The following CECR2 variants were observed in gnomAD, a reference collection of about 807,000 sequenced individuals.
CECR2 encodes the protein CECR2 histone acetyl-lysine reader, also known as chromatin remodeling regulator CECR2.
A neutral mutation model predicts 154.5 loss-of-function variants in CECR2; 30 were observed. The ratio of observed to expected loss-of-function variants is 0.19; its 90% CI spans 0.15 to 0.26. The LOEUF is 0.26. CECR2 is among the 10% of genes least tolerant of loss of function. The pLI, the probability that CECR2 is intolerant of heterozygous loss-of-function variation, is 1.00. For missense variants in CECR2, 1,743 were observed against 1,829.3 expected (o/e 0.95, Z 0.86); for synonymous variants, 725 against 683.7 (o/e 1.06, Z -0.94).
chr22:17,413,956 C>T (rs1179158178), intron 1 of CECR2, among the ~76,000 whole-genome samples: 5 of 145,588 alleles, frequency 3.4e-5, no homozygotes, highest in East Asian at 2.1e-4. Context: ...GGATTACAGG[C>T]GTGAACCACC....
chr22:17,496,926 A>G (rs896184077), intron 2 of CECR2, among the ~76,000 whole-genome samples: 4 of 152,200 alleles, frequency 2.6e-5, no homozygotes, highest in African/African-American at 7.2e-5. Flanking sequence ...ACAAAACACA[A>G]TATCCATGTA....
intron 14 of CECR2, among the ~76,000 whole-genome samples, chr22:17,541,015 C>T (rs966770643): frequency 6.6e-6 from 1 of 152,206 alleles, no homozygotes; most frequent in African/African-American, 2.4e-5. Flanking sequence ...AACTCTTGGC[C>T]TCAAACAGTC....
At chr22:17,416,205 G>A (rs779910209) in intron 1 of CECR2, among the ~76,000 whole-genome samples, 21 of 152,074 alleles carry the variant, frequency 1.4e-4, no homozygotes, top group Non-Finnish European at 1.9e-4. Context: ...AGAGTTCAAA[G>A]GTAAGCTAGA....
At chr22:17,519,931 C>G (rs2146952173) in intron 8 of CECR2, among the ~76,000 whole-genome samples, 1 of 152,124 alleles carries the variant, frequency 6.6e-6, no homozygotes, top group East Asian at 1.9e-4. Flanking sequence ...GCTGGGACTA[C>G]AGGCACACAC....
intron 2 of CECR2, among the ~76,000 whole-genome samples, chr22:17,486,819 T>C (rs2055429442): frequency 6.6e-6 from 1 of 152,182 alleles, no homozygotes. Flanking sequence ...ACAGAAGGTA[T>C]GAATAAGCGC....
In CECR2 at chr22:17,488,680, A is replaced by G. The variant is rs188435766; in HGVS notation, c.222-8723A>G. Among the ~76,000 whole-genome samples, 15 of 152,246 alleles carry G rather than the reference A, an allele frequency of 9.9e-5. No homozygotes were observed. The East Asian group carries it at 2.7e-3, about 27-fold the overall frequency. On this transcript the variant is annotated intron_variant, in intron 2 of 18. Transcript: ENST00000262608. ...GGGGACTAAATTGTATCTAGTGAAA[A>G]ATATATCACAATTTATTGAATCTGT... is the stretch of plus-strand genomic sequence containing the variant.
At chr22:17,390,933 T>A (rs763221149) in intron 1 of CECR2, among the ~76,000 whole-genome samples, 3 of 152,254 alleles carry the variant, frequency 2.0e-5, no homozygotes, top group African/African-American at 4.8e-5. Flanking sequence ...AAGCTTTTCC[T>A]ATTTTATTTT....
At chr22:17,488,311 T>C (rs150987950) in intron 2 of CECR2, among the ~76,000 whole-genome samples, 2 of 152,376 alleles carry the variant, frequency 1.3e-5, no homozygotes, top group East Asian at 3.9e-4. Flanking sequence ...GAAATGACAA[T>C]ACTTCTGTTA....
chr22:17,447,222 A>T lies in CECR2; in HGVS notation c.127-30366A>T, dbSNP rs567127282. ...GCTAATTTTTTGTGTTTTTTAGTAG[A>T]CGGGACTGCAAGCTCCGCCTCCTGG... is the stretch of plus-strand genomic sequence containing the variant. On this transcript the variant is annotated intron_variant, in intron 1 of 18. Transcript: ENST00000262608. 2.8e-5 allele frequency among the ~76,000 whole-genome samples: 4 copies of T among 141,648 alleles called. No individual in the cohort carries two copies. The South Asian group carries it at 9.0e-4, about 32-fold the overall frequency. 92.9% of individuals were successfully genotyped at this position (141,648 alleles called of 152,430 possible). A position where few individuals can be genotyped will look rare whatever the true frequency, so the allele number is the denominator to read the frequency against.
At chr22:17,496,217 G>A (rs374680596) in intron 2 of CECR2, among the ~76,000 whole-genome samples, 7 of 152,112 alleles carry the variant, frequency 4.6e-5, no homozygotes, top group African/African-American at 9.6e-5. Context: ...TCAAAGAAAG[G>A]ACGGGCACGG....
At chr22:17,466,839 G>A (rs757387260) in intron 1 of CECR2, among the ~76,000 whole-genome samples, 2 of 152,024 alleles carry the variant, frequency 1.3e-5, no homozygotes, top group African/African-American at 2.4e-5. Context: ...TGATCCTCCC[G>A]CCCCGGCCTT....
intron 9 of CECR2, 116 bp downstream of exon 9, chr22:17,524,387 C>CTTTCTTTTTTT: frequency 2.6e-6 from 1 of 391,190 alleles, no homozygotes; most frequent in South Asian, 2.3e-5. Context: ...CCGGCAATTT[C>CTTTCTTTTTTT]TTTTTTTTTT....
At chr22:17,523,610 G>T (rs1052463520) in intron 8 of CECR2, among the ~76,000 whole-genome samples, 6 of 151,720 alleles carry the variant, frequency 4.0e-5, no homozygotes, top group Non-Finnish European at 7.4e-5. Flanking sequence ...CAAAAAATTA[G>T]CCGGGCGTGG....
intron 2 of CECR2, among the ~76,000 whole-genome samples, chr22:17,487,700 T>C (rs1385912609): frequency 6.6e-6 from 1 of 152,004 alleles, no homozygotes; most frequent in Non-Finnish European, 1.5e-5. Context: ...TAAATACTCA[T>C]GATGATAATA....
chr22:17,496,695 T>C (rs1033793210), intron 2 of CECR2, among the ~76,000 whole-genome samples: 1 of 152,186 alleles, frequency 6.6e-6, no homozygotes, highest in Non-Finnish European at 1.5e-5. Context: ...GTTTCTTTTT[T>C]CCTTTTTTCT....
At chr22:17,450,686 TAA>T (rs1281660422) in intron 1 of CECR2, among the ~76,000 whole-genome samples, 69 of 152,384 alleles carry the variant, frequency 4.5e-4, no homozygotes, top group African/African-American at 1.6e-3. Flanking sequence ...TTCTATTTAA[TAA>T]TAGTACATTA....
chr22:17,540,125 G>A (rs971668777), intron 13 of CECR2, among the ~76,000 whole-genome samples: 3 of 152,126 alleles, frequency 2.0e-5, no homozygotes, highest in African/African-American at 7.2e-5. Flanking sequence ...AAGTTACTGT[G>A]CTCAGCCTGG....
chr22:17,539,066 A>C lies in CECR2; in HGVS notation c.1442A>C (p.Asn481Thr). The C allele has an allele frequency of 6.2e-7, 1 of 1,613,932 alleles. No individual in the cohort carries two copies. Among genetic ancestry groups the C allele is most frequent in the Non-Finnish European group, 8.5e-7 (1 of 1,179,832 alleles). Residue 481 changes from asparagine to threonine, a missense_variant, in exon 13 of 19, where the codon AAT becomes ACT. Around this residue, in one of 4 missense-constraint regions of CECR2, gnomAD observed 103 missense variants for 166.8 expected, o/e 0.62. Transcript: ENST00000262608. ...TACTGTACCAAGGAGGAATTTGTAA[A>C]TGACATGAAGACCATGTTCAGGAAT... is the stretch of plus-strand genomic sequence containing the variant. Reference protein sequence around the residue: ...GLYCTKEEFVNDMKTMFRNCR... With the variant: ...GLYCTKEEFVTDMKTMFRNCR...
rs1019184069 is a variant in CECR2 at position 17,536,970 on chromosome 22, G to A, written c.1109-133G>A. On this transcript the variant is annotated intron_variant, in intron 9 of 18. Coordinates refer to ENST00000262608, the MANE Select transcript of CECR2 (RefSeq NM_001290047.2). ...CATCCTAATTACCAAAAAGAGGGTGGCACAGGGAGCAGAAGTTGCTTCATA... is the reference window on the plus strand; with the variant it reads ...CATCCTAATTACCAAAAAGAGGGTGACACAGGGAGCAGAAGTTGCTTCATA... The A allele has an allele frequency of 1.3e-5, 12 of 950,748 alleles. No individual in the cohort carries two copies. The African/African-American group carries it at 1.7e-4, about 13-fold the overall frequency. 58.9% of individuals were successfully genotyped at this position (950,748 alleles called of 1,614,324 possible).
Sources: gnomAD v4.1 joint callset for allele counts (sites outside exome capture counted in the v4.1 genomes callset) on GRCh38, gnomAD v4.1.1 for gene constraint, gnomAD v4.1.1 regional missense constraint, MANE v1.5 for transcripts, NCBI Gene and HGNC (gene_info 2026-07-23, HGNC 2026-07-21) for gene names.